Variants in CECR2 observed in about 807,000 individuals in gnomAD.
CECR2 encodes CECR2 histone acetyl-lysine reader.
CECR2 carries 30 observed loss-of-function variants against 154.5 expected under a neutral mutation model. The ratio of observed to expected loss-of-function variants is 0.19; its 90% CI spans 0.15 to 0.26. The LOEUF (loss-of-function observed/expected upper bound fraction) is 0.26, where lower values mean the gene tolerates loss of function less well. Among genes scored for constraint, CECR2 ranks in the 10% least tolerant of loss-of-function variants. The pLI, the probability that CECR2 is intolerant of heterozygous loss-of-function variation, is 1.00. For missense variants in CECR2, 1,743 were observed against 1,829.3 expected, an observed-to-expected ratio of 0.95 and a Z score of 0.86; for synonymous variants, 725 against 683.7, an observed-to-expected ratio of 1.06 and a Z score of -0.94.
At position 17,544,080 on chromosome 22, in the gene CECR2, C is replaced by T. The variant is rs142753297; in HGVS notation, c.2860+1077C>T. On this transcript the variant is annotated intron_variant, in intron 16 of 18. Coordinates refer to ENST00000262608, the MANE Select transcript of CECR2 (RefSeq NM_001290047.2). ...GTTCCTCTAAAAAAGTACTGTCAGC[C>T]GGGCAGTAGTTTTGGTGGCTCATGC... Among the ~76,000 whole-genome samples, 767 of 152,260 alleles carry T rather than the reference C, an allele frequency of 5.0e-3. 9 individuals carry two copies. Among genetic ancestry groups the T allele is most frequent in the African/African-American group, 0.017 (721 of 41,552 alleles).
chr22:17,361,000 A>G (rs748217969), intron 1 of CECR2, among the ~76,000 whole-genome samples: 1 of 151,878 alleles, frequency 6.6e-6, no homozygotes, highest in Non-Finnish European at 1.5e-5. Context: ...CCATCTCTAC[A>G]AAAAATAAAA....
At chr22:17,471,833 C>T (rs1249627828) in intron 1 of CECR2, among the ~76,000 whole-genome samples, 1 of 152,128 alleles carries the variant, frequency 6.6e-6, no homozygotes, top group Non-Finnish European at 1.5e-5. Context: ...CCACGCCTGG[C>T]CATATGGACA....
intron 1 of CECR2, among the ~76,000 whole-genome samples, chr22:17,388,138 A>G (rs2146495631): frequency 6.6e-6 from 1 of 152,128 alleles, no homozygotes; most frequent in Non-Finnish European, 1.5e-5. Flanking sequence ...TATTTTTAGT[A>G]GAGACGGGTT....
chr22:17,411,034 C>G (rs534713771), intron 1 of CECR2, among the ~76,000 whole-genome samples: 4 of 152,244 alleles, frequency 2.6e-5, no homozygotes, highest in Admixed American at 1.3e-4. Flanking sequence ...ATAGGAAGCC[C>G]AAGACTTAAT....
intron 1 of CECR2, among the ~76,000 whole-genome samples, chr22:17,423,174 T>C (rs1217218969): frequency 6.6e-6 from 1 of 152,150 alleles, no homozygotes; most frequent in Non-Finnish European, 1.5e-5. Flanking sequence ...TCTTTAGTCT[T>C]AGGATTAGGT....
intron 9 of CECR2, among the ~76,000 whole-genome samples, chr22:17,529,295 G>A (rs1309985051): frequency 1.3e-5 from 2 of 152,016 alleles, no homozygotes; most frequent in South Asian, 2.1e-4. Flanking sequence ...AAGTCCCGGC[G>A]CGGCTGGAGC....
Position 17,557,131 on chromosome 22 carries a change from G to GTT in CECR2, c.*4298_*4299dup, listed in dbSNP as rs920038782. The GTT allele has an allele frequency of 7.4e-6, 1 of 134,970 alleles. No individual in the cohort carries two copies. Among genetic ancestry groups the GTT allele is most frequent in the African/African-American group, 2.8e-5 (1 of 36,032 alleles). 8.4% of individuals were successfully genotyped at this position (134,970 alleles called of 1,614,324 possible). A position where few individuals can be genotyped will look rare whatever the true frequency, so the allele number is the denominator to read the frequency against. On this transcript the variant is annotated 3_prime_UTR_variant, in exon 19 of 19. Transcript: ENST00000262608. ...GTTTGGGTGAATGTTACTGCATCCC[G>GTT]TTTTTTTTCTTTTCTTTTTTTTTTT...
chr22:17,511,842 G>C lies in CECR2; in HGVS notation c.900G>C (p.Glu300Asp). 3 of 1,612,322 alleles carry C rather than the reference G, an allele frequency of 1.9e-6. No homozygotes were observed. Among genetic ancestry groups the C allele is most frequent in the Non-Finnish European group, 2.5e-6 (3 of 1,178,862 alleles). The change falls in exon 8 of 19, where the codon GAG becomes GAC. Residue 300 changes from glutamate to aspartate, a missense_variant. Transcript: ENST00000262608. ...AACGTCCACAGCGCACAAAGGCAGA[G>C]TTGCATCCTAGGTGGATGTCTGACC... is the stretch of plus-strand genomic sequence containing the variant. ...KGKRPQRTKA[E>D]LHPRWMSDHL...
At chr22:17,512,419 G>A (rs977023798) in intron 8 of CECR2, among the ~76,000 whole-genome samples, 1 of 151,884 alleles carries the variant, frequency 6.6e-6, no homozygotes, top group Non-Finnish European at 1.5e-5. Context: ...GTATATATTA[G>A]AGCCAAGCAC....
intron 1 of CECR2, among the ~76,000 whole-genome samples, chr22:17,468,835 C>T (rs530725024): frequency 3.9e-4 from 59 of 152,084 alleles, no homozygotes; most frequent in Non-Finnish European, 7.6e-4. Context: ...ATGTATTTCT[C>T]GTAGTTCTTC....
chr22:17,414,410 T>C (rs2054123066), intron 1 of CECR2, among the ~76,000 whole-genome samples: 1 of 151,080 alleles, frequency 6.6e-6, no homozygotes, highest in African/African-American at 2.4e-5. Flanking sequence ...AAAGTTAGAG[T>C]AGATTTAAAG....
At chr22:17,453,824 G>A (rs890527331) in intron 1 of CECR2, among the ~76,000 whole-genome samples, 13 of 152,160 alleles carry the variant, frequency 8.5e-5, no homozygotes, top group African/African-American at 2.9e-4. Context: ...AACTGCTGAC[G>A]AGCGTACCCT....
At chr22:17,370,355 G>C (rs1601233038) in intron 1 of CECR2, among the ~76,000 whole-genome samples, 2 of 150,448 alleles carry the variant, frequency 1.3e-5, no homozygotes, top group African/African-American at 4.9e-5. Flanking sequence ...CTCGGACCGG[G>C]GCGGGAGTCG....
chr22:17,382,153 G>A (rs1450761042), intron 1 of CECR2, among the ~76,000 whole-genome samples: 8 of 152,056 alleles, frequency 5.3e-5, no homozygotes, highest in South Asian at 2.1e-4. Flanking sequence ...GCCTCCCAAA[G>A]TGCTGGGATT....
Position 17,542,847 on chromosome 22 carries a change from T to C in CECR2, c.2704T>C (p.Tyr902His). 8.7e-6 allele frequency: 14 copies of C among 1,613,340 alleles called. No homozygotes were observed. The highest frequency in any genetic ancestry group is 1.2e-5 in the Non-Finnish European group (14 of 1,179,468). Residue 902 changes from tyrosine (Y) to histidine (H), a missense_variant, in exon 16 of 19, where the codon TAC becomes CAC. Coordinates refer to ENST00000262608, the MANE Select transcript of CECR2 (RefSeq NM_001290047.2). ...CCGCGTCTGCCCCCCAGGTGTGCCT[T>C]ACCACCCCCACCAGCCTGCACACCC... ...SSRVCPPGVP[Y>H]HPHQPAHPRL...
intron 1 of CECR2, among the ~76,000 whole-genome samples, chr22:17,427,728 C>T (rs1463750182): frequency 6.6e-6 from 1 of 152,120 alleles, no homozygotes; most frequent in Admixed American, 6.5e-5. Context: ...AGCTTTTATT[C>T]CCTTATTTGG....
chr22:17,419,014 G>A, intron 1 of CECR2: 2 of 171,630 alleles, frequency 1.2e-5, no homozygotes, highest in East Asian at 1.7e-4. Flanking sequence ...AAAGCCCGGG[G>A]CCCTGGCCAA....
chr22:17,533,051 C>G (rs1485319402), intron 9 of CECR2, among the ~76,000 whole-genome samples: 6 of 151,930 alleles, frequency 3.9e-5, no homozygotes, highest in Admixed American at 3.9e-4. Flanking sequence ...GGCGCGGTGG[C>G]TCACACCTGT....
chr22:17,388,730 TTAA>T (rs1173935830), intron 1 of CECR2, among the ~76,000 whole-genome samples: 2 of 152,226 alleles, frequency 1.3e-5, no homozygotes, highest in Non-Finnish European at 2.9e-5. Context: ...ACAAAATATG[TTAA>T]TAACTGTTAA....
Sources: gnomAD v4.1 joint callset for allele counts (sites outside exome capture counted in the v4.1 genomes callset) on GRCh38, gnomAD v4.1.1 for gene constraint, MANE v1.5 for transcripts, NCBI Gene and HGNC (gene_info 2026-07-23, HGNC 2026-07-21) for gene names.